Variants in RAI1 observed in about 807,000 individuals in gnomAD.
The protein encoded by RAI1 is retinoic acid-induced protein 1.
In RAI1, 9 loss-of-function variants were observed where a neutral mutation model predicts 123.8. The ratio of observed to expected loss-of-function variants is 0.07; its 90% confidence interval spans 0.04 to 0.13. RAI1 has a LOEUF of 0.13. RAI1 is among the 10% of genes least tolerant of loss of function. The probability of loss-of-function intolerance (pLI) is 1.00; values close to 1 mark genes in which losing one functional copy is unlikely to be tolerated. For synonymous variants in RAI1, 1,231 were observed against 1,127.3 expected (o/e 1.09, Z -1.84); for missense variants, 2,256 against 2,545.8 (o/e 0.89, Z 2.45).
chr17:17,697,300 C>G (rs1567828356), intron 1 of RAI1, among the ~76,000 whole-genome samples: 1 of 152,372 alleles, frequency 6.6e-6, no homozygotes, highest in Non-Finnish European at 1.5e-5. Flanking sequence ...ACAGAATGCC[C>G]CTTTCCTCGG....
intron 2 of RAI1, among the ~76,000 whole-genome samples, chr17:17,725,601 G>A (rs1916062390): frequency 6.6e-6 from 1 of 152,202 alleles, no homozygotes; most frequent in Non-Finnish European, 1.5e-5. Context: ...TGCTCCATCG[G>A]GGGATGCAGA....
In RAI1 at chr17:17,795,123, T is replaced by C. The variant is rs2032182427; in HGVS notation, c.2175T>C (p.Ala725=). The change falls in exon 3 of 6, where the codon GCT becomes GCC. Residue 725 remains alanine (A), a synonymous_variant. Coordinates refer to ENST00000353383, the MANE Select transcript of RAI1 (RefSeq NM_030665.4). The surrounding 1 kb of genome is among the most constrained non-coding windows in gnomAD (Gnocchi z 5.9). ...GVPAPDPTTA[A]FDCFPDTTAA... ...CTGCTCCAGACCCCACTACAGCAGC[T>C]TTTGACTGTTTCCCGGACACAACCG... The C allele has an allele frequency of 6.2e-7, 1 of 1,613,928 alleles. No individual in the cohort carries two copies. The highest frequency in any genetic ancestry group is 1.7e-5 in the Admixed American group (1 of 60,008).
chr17:17,795,036 G>T lies in RAI1; in HGVS notation c.2088G>T (p.Thr696=), dbSNP rs368878818. 3 of 1,614,144 alleles carry T rather than the reference G, an allele frequency of 1.9e-6. No individual in the cohort carries two copies. Among genetic ancestry groups the T allele is most frequent in the Non-Finnish European group, 2.5e-6 (3 of 1,180,040 alleles). The change falls in exon 3 of 6, where the codon ACG becomes ACT. Residue 696 remains threonine, a synonymous_variant. Coordinates refer to ENST00000353383, the MANE Select transcript of RAI1 (RefSeq NM_030665.4). The surrounding 1 kb of genome is among the most constrained non-coding windows in gnomAD (Gnocchi z 5.9). The part of the protein sequence containing the change: ...LFEDPSVAFA[T]PDPKKTTGPL... ...AAGACCCTTCCGTGGCCTTCGCTAC[G>T]CCTGACCCCAAAAAGACAACTGGTC...
rs139691661 is a variant in RAI1, at chr17:17,781,749, G to A, written c.-16-11184G>A. On this transcript the variant is annotated intron_variant, in intron 2 of 5. Transcript: ENST00000353383. ...GGTCTGCCTCAAAGTTGTTGGTACG[G>A]CCAGCCCGCTGCTGTTTAAATGGTG... Among the ~76,000 whole-genome samples the A allele has an allele frequency of 1.8e-4, 27 of 152,358 alleles. No homozygotes were observed. The East Asian group carries it at 5.0e-3, about 28-fold the overall frequency.
In RAI1 at chr17:17,797,231, C is replaced by G; in HGVS notation, c.4283C>G (p.Ala1428Gly). Residue 1428 changes from alanine to glycine, a missense_variant, in exon 3 of 6, where the codon GCC becomes GGC. By Grantham distance (60) the Ala-to-Gly change is moderately conservative. Around this residue, in one of 7 missense-constraint regions of RAI1, gnomAD observed 410 missense variants for 374.6 expected, o/e 1.09. Coordinates refer to ENST00000353383, the MANE Select transcript of RAI1 (RefSeq NM_030665.4). ...LSSTDCFKTE[A>G]FTSPEALQPG... ...TCTACTGACTGTTTCAAAACCGAGG[C>G]CTTCACATCCCCGGAGGCCCTGCAG... is the stretch of plus-strand genomic sequence containing the variant. The G allele has an allele frequency of 6.2e-7, 1 of 1,613,596 alleles. No homozygotes were observed.
At chr17:17,682,328 C>T (rs1344473154) in intron 1 of RAI1, among the ~76,000 whole-genome samples, 1 of 151,060 alleles carries the variant, frequency 6.6e-6, no homozygotes, top group East Asian at 2.0e-4. Context: ...CTCGGGCTCT[C>T]TGCGGTGTCC....
chr17:17,699,201 A>G (rs938019119), intron 1 of RAI1, among the ~76,000 whole-genome samples: 1 of 152,280 alleles, frequency 6.6e-6, no homozygotes, highest in East Asian at 1.9e-4. Flanking sequence ...CTCAGGCAGT[A>G]TATGTCTCCT....
chr17:17,803,386 TTTTG>T (rs142704630), intron 3 of RAI1, among the ~76,000 whole-genome samples: 5,779 of 152,050 alleles, frequency 0.038, 377 homozygotes, highest in African/African-American at 0.13. Flanking sequence ...TTTGTGTTTT[TTTTG>T]TTTGTTTGTT....
At chr17:17,746,649 T>C (rs2029935909) in intron 2 of RAI1, among the ~76,000 whole-genome samples, 2 of 150,218 alleles carry the variant, frequency 1.3e-5, no homozygotes, top group Non-Finnish European at 3.0e-5. Context: ...TTTTTTTTTT[T>C]TTTGAGATGG....
At chr17:17,792,731 G>A (rs1383570543) in intron 2 of RAI1, among the ~76,000 whole-genome samples, 7 of 143,610 alleles carry the variant, frequency 4.9e-5, no homozygotes, top group Non-Finnish European at 6.1e-5. Flanking sequence ...GTCAATATGC[G>A]CACAGCTGGT....
At chr17:17,713,775 A>G (rs2142910035) in intron 1 of RAI1, among the ~76,000 whole-genome samples, 1 of 152,330 alleles carries the variant, frequency 6.6e-6, no homozygotes, top group South Asian at 2.1e-4. Flanking sequence ...AAAAGTAGGC[A>G]TTTCTCTCTA....
At chr17:17,753,053 C>G (rs1239103373) in intron 2 of RAI1, among the ~76,000 whole-genome samples, 1 of 152,202 alleles carries the variant, frequency 6.6e-6, no homozygotes, top group African/African-American at 2.4e-5. Context: ...TGCCTTCAGA[C>G]CCAGACACAG....
chr17:17,768,392 TAAC>T (rs765992073), intron 2 of RAI1, among the ~76,000 whole-genome samples: 2 of 152,210 alleles, frequency 1.3e-5, no homozygotes, highest in Admixed American at 6.5e-5. Flanking sequence ...AGGCCACTCT[TAAC>T]AAGAGGATTA....
chr17:17,756,869 T>C (rs1011375248), intron 2 of RAI1, among the ~76,000 whole-genome samples: 4 of 152,250 alleles, frequency 2.6e-5, no homozygotes, highest in African/African-American at 9.6e-5. Flanking sequence ...TCCCACCTGT[T>C]CACTGGGGTG....
chr17:17,809,773 CTGAAGGCGAAGG>C lies in RAI1; in HGVS notation c.5710-190_5710-179del, dbSNP rs145617111. On this transcript the variant is annotated intron_variant, in intron 5 of 5. Transcript: ENST00000353383. This position sits in a 1 kb window ranked among gnomAD's most constrained non-coding sequence, Gnocchi z 4.9. The stretch of plus-strand genomic sequence containing the variant: ...GGGGGCGCGGGACGGTGGCACGGAG[CTGAAGGCGAAGG>C]TGAAGGTGAAGCTGGACGGGGTGGG... 3.8e-3 allele frequency among the ~76,000 whole-genome samples: 580 copies of C among 152,214 alleles called. 1 individual carries two copies. The highest frequency in any genetic ancestry group is 0.013 in the African/African-American group (554 of 41,546).
At position 17,793,784 on chromosome 17, in the gene RAI1, AGC is replaced by A. The variant is rs35068024; in HGVS notation, c.837_838del (p.Gln280AlafsTer108). The A allele has an allele frequency of 0.39, 563,846 of 1,455,922 alleles. 113,580 individuals carry two copies. The highest frequency in any genetic ancestry group is 0.85 in the East Asian group (37,104 of 43,902). The allele number at this position is 1,455,922 out of a possible 1,614,324, so 90.2% of individuals were successfully genotyped here. Reference sequence around the variant, plus strand: ...TCGGGCCGCCTCAGCTATGACCAGCAGCAGCAGCAGCAGCAGCAGCAGCAGCA... The same window carrying A: ...TCGGGCCGCCTCAGCTATGACCAGCAAGCAGCAGCAGCAGCAGCAGCAGCA... On this transcript the variant is annotated frameshift_variant, in exon 3 of 6. Coordinates refer to ENST00000353383, the MANE Select transcript of RAI1 (RefSeq NM_030665.4). LOFTEE classifies it high-confidence loss of function.
chr17:17,738,849 TCAAAGGGCTCATGCTGCAAG>T (rs1251511667), intron 2 of RAI1, among the ~76,000 whole-genome samples: 1 of 152,148 alleles, frequency 6.6e-6, no homozygotes, highest in East Asian at 1.9e-4. Context: ...TGCATTACCT[TCAAAGGGCTCATGCTGCAAG>T]CATGGGCTGT....
chr17:17,797,368 C>T lies in RAI1; in HGVS notation c.4420C>T (p.Leu1474Phe), dbSNP rs991550525. The change falls in exon 3 of 6, where the codon CTC (leucine) becomes TTC (phenylalanine). Residue 1474 changes from leucine (L) to phenylalanine (F), a missense_variant. Leu to Phe is a conservative substitution (Grantham distance 22, BLOSUM62 0). Coordinates refer to ENST00000353383, the MANE Select transcript of RAI1 (RefSeq NM_030665.4). ...GCGGCCCTATCTTGGCCCGGCTCTG[C>T]TCCTGACTCCCCGAGACAGGGCCAG... ...EKRPYLGPALLLTPRDRASGT... is the reference protein window; with the variant it reads ...EKRPYLGPALFLTPRDRASGT... The T allele has an allele frequency of 1.9e-6, 3 of 1,612,622 alleles. No individual in the cohort carries two copies. Among genetic ancestry groups the T allele is most frequent in the Middle Eastern group, 1.7e-4 (1 of 6,042 alleles).
At chr17:17,783,049 C>T (rs1275947525) in intron 2 of RAI1, among the ~76,000 whole-genome samples, 6 of 141,238 alleles carry the variant, frequency 4.2e-5, no homozygotes, top group Admixed American at 7.1e-5. Flanking sequence ...ACGGGAGAAT[C>T]AGGGAGATGA....
Sources: gnomAD v4.1 joint callset for allele counts (sites outside exome capture counted in the v4.1 genomes callset) on GRCh38, gnomAD v4.1.1 for gene constraint, gnomAD v4.1.1 regional missense constraint, Gnocchi (gnomAD v3.1) non-coding constraint, MANE v1.5 for transcripts, NCBI Gene and HGNC (gene_info 2026-07-23, HGNC 2026-07-21) for gene names.